The following ARHGEF12 variants were observed in gnomAD, a reference collection of about 807,000 sequenced individuals.
ARHGEF12 encodes KMT2A/ARHGEF12 fusion protein.
Under a neutral mutation model 211.2 loss-of-function variants are expected in ARHGEF12, and 66 were observed. The ratio of observed to expected loss-of-function variants is 0.31; its 90% CI spans 0.26 to 0.38. ARHGEF12 has a LOEUF of 0.38. Among genes scored for constraint, ARHGEF12 ranks in the 10% least tolerant of loss-of-function variants. The pLI, the probability that ARHGEF12 is intolerant of heterozygous loss-of-function variation, is 1.00. For missense variants in ARHGEF12, 1,429 were observed against 1,869.5 expected (o/e 0.76, Z 4.34); for synonymous variants, 592 against 638.4 (o/e 0.93, Z 1.09).
chr11:120,426,493 A>T (rs1300350926), intron 7 of ARHGEF12, among the ~76,000 whole-genome samples: 1 of 152,180 alleles, frequency 6.6e-6, no homozygotes, highest in Admixed American at 6.5e-5. Flanking sequence ...TGTATTCTGG[A>T]TATAATAAAA....
At chr11:120,361,144 G>T (rs1385022177) in intron 1 of ARHGEF12, among the ~76,000 whole-genome samples, 1 of 152,156 alleles carries the variant, frequency 6.6e-6, no homozygotes, top group Non-Finnish European at 1.5e-5. Context: ...TTTGTTCCAA[G>T]AAGCCATCTA....
rs1947442299 is a variant in ARHGEF12 at position 120,488,122 on chromosome 11, T to C, written c.*3045T>C. The C allele has an allele frequency of 4.6e-6, 1 of 216,724 alleles. No individual in the cohort carries two copies. Among genetic ancestry groups the C allele is most frequent in the African/African-American group, 2.3e-5 (1 of 44,408 alleles). The allele number at this position is 216,724 out of a possible 1,614,324, so 13.4% of individuals were successfully genotyped here. Reference sequence around the variant, plus strand: ...AGGAGGGATAATAGAGAAGTCCATTTAAAAATTATTTTTAGAAGCTAAAGA... The same window carrying C: ...AGGAGGGATAATAGAGAAGTCCATTCAAAAATTATTTTTAGAAGCTAAAGA... On this transcript the variant is annotated 3_prime_UTR_variant, in exon 41 of 41. Transcript: ENST00000397843.
At chr11:120,426,697 A>G (rs1019722944) in intron 7 of ARHGEF12, among the ~76,000 whole-genome samples, 1 of 152,330 alleles carries the variant, frequency 6.6e-6, no homozygotes, top group South Asian at 2.1e-4. Context: ...AGTATTATAC[A>G]TAGCAAAACT....
chr11:120,341,368 T>G (rs1166774731), intron 1 of ARHGEF12, among the ~76,000 whole-genome samples: 1 of 152,150 alleles, frequency 6.6e-6, no homozygotes, highest in Non-Finnish European at 1.5e-5. Context: ...GTTTTTTTTG[T>G]TGTTGCTGTT....
intron 39 of ARHGEF12, 31 bp from the exon 40 acceptor site, chr11:120,484,407 G>C (rs1347381717): frequency 3.1e-6 from 5 of 1,595,904 alleles, no homozygotes; most frequent in Non-Finnish European, 4.3e-6. Flanking sequence ...CATTACGTTT[G>C]AATAAAAAAC....
intron 1 of ARHGEF12, among the ~76,000 whole-genome samples, chr11:120,367,854 TC>T (rs1943472403): frequency 6.6e-6 from 1 of 152,064 alleles, no homozygotes; most frequent in African/African-American, 2.4e-5. Flanking sequence ...CACCTGTAGT[TC>T]CAGCTGTTTG....
Position 120,486,244 on chromosome 11 carries a change from C to T in ARHGEF12, c.*1167C>T. The T allele has an allele frequency of 4.3e-6, 1 of 233,338 alleles. No individual in the cohort carries two copies. The highest frequency in any genetic ancestry group is 2.2e-5 in the African/African-American group (1 of 45,416). The allele number at this position is 233,338 out of a possible 1,614,324, so 14.5% of individuals were successfully genotyped here. On this transcript the variant is annotated 3_prime_UTR_variant, in exon 41 of 41. Transcript: ENST00000397843. ...ACTCTAATTTTTGCACTGATGGTGC[C>T]AAAGGGCCCTGAGTCAAAAGGATAG...
At chr11:120,451,461 G>T in intron 21 of ARHGEF12, 51 bp from the exon 22 acceptor site, 4 of 1,579,406 alleles carry the variant, frequency 2.5e-6, no homozygotes, top group Non-Finnish European at 3.5e-6. Context: ...ATAGGCTTGA[G>T]CCACCGCACC....
chr11:120,377,179 A>G (rs2135434270), intron 1 of ARHGEF12, among the ~76,000 whole-genome samples: 1 of 152,292 alleles, frequency 6.6e-6, no homozygotes, highest in South Asian at 2.1e-4. Flanking sequence ...GAGCTTTGAC[A>G]AGTGTGTATA....
chr11:120,477,531 A>G lies in ARHGEF12; in HGVS notation c.3532+5A>G. The G allele has an allele frequency of 6.2e-7, 1 of 1,610,416 alleles. No homozygotes were observed. The highest frequency in any genetic ancestry group is 1.1e-5 in the South Asian group (1 of 90,764). On this transcript the variant is annotated splice_donor_5th_base_variant and intron_variant, in intron 36 of 40. Coordinates refer to ENST00000397843, the MANE Select transcript of ARHGEF12 (RefSeq NM_015313.3). ...TCACTGGTTTGCAGAGTCCAGGTAC[A>G]CTCTTCTGAAGAGTTCAATGGAGAA...
At chr11:120,446,614 A>G in intron 17 of ARHGEF12, 106 bp downstream of exon 17, 1 of 829,238 alleles carries the variant, frequency 1.2e-6, no homozygotes, top group Non-Finnish European at 1.9e-6. Flanking sequence ...GATAAACCAT[A>G]TGGTCTTATT....
chr11:120,371,638 A>G (rs1197871543), intron 1 of ARHGEF12, among the ~76,000 whole-genome samples: 1 of 152,226 alleles, frequency 6.6e-6, no homozygotes, highest in African/African-American at 2.4e-5. Context: ...CCTCAGTTAA[A>G]GATGTTAAAA....
At chr11:120,467,550 C>T (rs182060976) in intron 29 of ARHGEF12, among the ~76,000 whole-genome samples, 2 of 150,400 alleles carry the variant, frequency 1.3e-5, no homozygotes, top group East Asian at 1.9e-4. Context: ...TCAGGCATTC[C>T]TTCCACCTCA....
At chr11:120,405,582 C>T (rs1009820170) in intron 1 of ARHGEF12, among the ~76,000 whole-genome samples, 3 of 152,032 alleles carry the variant, frequency 2.0e-5, no homozygotes, top group Non-Finnish European at 4.4e-5. Flanking sequence ...TTGAGGATCA[C>T]GATGACATAG....
At chr11:120,460,553 G>C in intron 26 of ARHGEF12, 119 bp from the exon 27 acceptor site, 1 of 637,046 alleles carries the variant, frequency 1.6e-6, no homozygotes, top group Non-Finnish European at 2.7e-6. Context: ...GAGATAAGAA[G>C]CAGCTGTACT....
intron 4 of ARHGEF12, among the ~76,000 whole-genome samples, chr11:120,420,013 C>T (rs1945137258): frequency 6.6e-6 from 1 of 152,198 alleles, no homozygotes; most frequent in African/African-American, 2.4e-5. Context: ...CTCTTTCTCT[C>T]ACCTTGCCCT....
chr11:120,477,090 G>A, intron 34 of ARHGEF12, 129 bp from the exon 35 acceptor site: 3 of 488,178 alleles, frequency 6.1e-6, no homozygotes, highest in Non-Finnish European at 1.1e-5. Context: ...TTTTGTTGTT[G>A]TTGTTGTTGT....
At chr11:120,396,146 G>A (rs1359896421) in intron 1 of ARHGEF12, among the ~76,000 whole-genome samples, 6 of 152,188 alleles carry the variant, frequency 3.9e-5, no homozygotes, top group Admixed American at 6.5e-5. Flanking sequence ...TGGCATAAAC[G>A]GGAAGAATTT....
At chr11:120,409,298 T>G (rs1406642878) in intron 3 of ARHGEF12, 96 bp from the exon 4 acceptor site, 1 of 1,251,806 alleles carries the variant, frequency 8.0e-7, no homozygotes, top group Non-Finnish European at 1.1e-6. Flanking sequence ...ACGATTTAAC[T>G]TGATCATGAT....
Sources: allele counts gnomAD v4.1 joint callset (sites outside exome capture counted in the v4.1 genomes callset), GRCh38; gene constraint gnomAD v4.1.1; transcripts MANE v1.5; gene names NCBI Gene and HGNC (gene_info 2026-07-23, HGNC 2026-07-21).